Variants in FN1 observed in about 807,000 individuals in gnomAD.
FN1 encodes fibronectin 1.
In FN1, 106 loss-of-function variants were observed where a neutral mutation model predicts 297.3. The ratio of observed to expected loss-of-function variants is 0.36; its 90% CI spans 0.30 to 0.42. FN1 has a LOEUF of 0.42. Among genes scored for constraint, FN1 ranks in the 10% least tolerant of loss-of-function variants. FN1 has a pLI of 1.00. For missense variants in FN1, 2,690 were observed against 3,124.9 expected (o/e 0.86, Z 3.32); for synonymous variants, 1,149 against 1,152.6 (o/e 1.00, Z 0.06).
Position 215,364,897 on chromosome 2 carries a change from T to G in FN1, c.7233A>C (p.Thr2411=). Reference sequence around the variant, plus strand: ...GTCTTACCCGCTGGCCTCCAAAGCATGTGCAGGAGCAAATGGCACCGAGAT... The same window carrying G: ...GTCTTACCCGCTGGCCTCCAAAGCAGGTGCAGGAGCAAATGGCACCGAGAT... ...KEYLGAICSC[T]CFGGQRGWRC... Residue 2411 remains threonine (T), a synonymous_variant, in exon 44 of 46, where the codon ACA becomes ACC. Coordinates refer to ENST00000354785, the MANE Select transcript of FN1 (RefSeq NM_212482.4). 1 of 1,563,252 alleles carries G rather than the reference T, an allele frequency of 6.4e-7. No homozygotes were observed. The highest frequency in any genetic ancestry group is 8.7e-7 in the Non-Finnish European group (1 of 1,152,872).
chr2:215,409,842 A>G (rs2106300939), intron 14 of FN1, 92 bp downstream of exon 14: 3 of 1,595,454 alleles, frequency 1.9e-6, no homozygotes, highest in Non-Finnish European at 2.6e-6. Context: ...CCCTCCTGGA[A>G]GAATATGAAT....
intron 31 of FN1, 25 bp from the exon 32 acceptor site, chr2:215,382,350 G>T: frequency 1.4e-6 from 2 of 1,454,652 alleles, no homozygotes; most frequent in Non-Finnish European, 1.9e-6. Context: ...AAAAGCAAAT[G>T]CAACATCCAC....
Position 215,420,716 on chromosome 2 carries a change from T to C in FN1, c.1632A>G (p.Thr544=). 5.0e-6 allele frequency: 8 copies of C among 1,614,180 alleles called. No homozygotes were observed. The highest frequency in any genetic ancestry group is 6.8e-6 in the Non-Finnish European group (8 of 1,180,008). ...ACCTGCCCCGACCCTGACCGAAGCA[T>C]GTACAGTTCAGCATGTGCCCCTCTT... The part of the protein sequence containing the change: ...RHEEGHMLNC[T]CFGQGRGRWK... The change falls in exon 11 of 46, where the codon ACA becomes ACG. Residue 544 remains threonine (T), a synonymous_variant. Coordinates refer to ENST00000354785, the MANE Select transcript of FN1 (RefSeq NM_212482.4).
At chr2:215,406,573 G>A (rs537894296) in intron 18 of FN1, 63 bp from the exon 19 acceptor site, 24 of 1,554,898 alleles carry the variant, frequency 1.5e-5, no homozygotes, top group Non-Finnish European at 2.0e-5. Flanking sequence ...TAAGAAGCCA[G>A]TTTCTTGGAT....
chr2:215,411,949 G>A (rs1232754111), intron 13 of FN1, among the ~76,000 whole-genome samples: 1 of 152,092 alleles, frequency 6.6e-6, no homozygotes, highest in Non-Finnish European at 1.5e-5. Flanking sequence ...TTACAGGCGT[G>A]AGCCACTGCG....
chr2:215,433,465 AG>A lies in FN1; in HGVS notation c.278-5del, dbSNP rs1197237853. 6.2e-7 allele frequency: 1 copy of A among 1,613,552 alleles called. No individual in the cohort carries two copies. The highest frequency in any genetic ancestry group is 2.2e-5 in the East Asian group (1 of 44,870). ...TTGTCAAAGCAAGTCTCTTCAGCTG[AG>A]GGGAAAAGGAAAGTCCATGTGAGCC... is the stretch of plus-strand genomic sequence containing the variant. On this transcript the variant is annotated splice_polypyrimidine_tract_variant and splice_region_variant and intron_variant, in intron 2 of 45. Coordinates refer to ENST00000354785, the MANE Select transcript of FN1 (RefSeq NM_212482.4).
In FN1 at chr2:215,384,116, T is replaced by G. The variant is rs761410597; in HGVS notation, c.4798A>C (p.Lys1600Gln). The G allele has an allele frequency of 6.2e-7, 1 of 1,614,148 alleles. No homozygotes were observed. Among genetic ancestry groups the G allele is most frequent in the South Asian group, 1.1e-5 (1 of 91,078 alleles). ...GTGATGGTATAATCAACTCCAGGTT[T>G]AAGGCCGCTGATGGTAGCTGTAGAC... ...SKSTATISGL[K>Q]PGVDYTITVY... Residue 1600 changes from lysine to glutamine, a missense_variant, in exon 30 of 46, where the codon AAA becomes CAA. Physicochemically the swap from Lys to Gln is moderately conservative, Grantham distance 53. This residue lies in a region of FN1 where 1,743 missense variants were observed against 1,945.2 expected (regional missense o/e 0.90). Coordinates refer to ENST00000354785, the MANE Select transcript of FN1 (RefSeq NM_212482.4).
rs6725958 is a variant in FN1 at position 215,397,898 on chromosome 2, A to C, written c.3349-50T>G. 887,351 of 1,521,204 alleles carry C rather than the reference A, an allele frequency of 0.58. 262,996 individuals are homozygous for C. Among genetic ancestry groups the C allele is most frequent in the East Asian group, 0.94 (41,957 of 44,420 alleles). The allele number at this position is 1,521,204 out of a possible 1,614,324, so 94.2% of individuals were successfully genotyped here. A position where few individuals can be genotyped will look rare whatever the true frequency, so the allele number is the denominator to read the frequency against. Reference sequence around the variant, plus strand: ...CACCAAGGACAAATATTTCCAGAGGACTGTTACTGCTGTGAGGCTATGATT... The same window carrying C: ...CACCAAGGACAAATATTTCCAGAGGCCTGTTACTGCTGTGAGGCTATGATT... On this transcript the variant is annotated intron_variant, in intron 21 of 45. Coordinates refer to ENST00000354785, the MANE Select transcript of FN1 (RefSeq NM_212482.4).
intron 26 of FN1, 78 bp downstream of exon 26, chr2:215,391,551 GCTC>G: frequency 8.0e-7 from 1 of 1,249,640 alleles, no homozygotes; most frequent in East Asian, 2.3e-5. Flanking sequence ...CTTGCTCTTA[GCTC>G]CTCCTACTTG....
intron 1 of FN1, 32 bp from the exon 2 acceptor site, chr2:215,434,856 G>A (rs1450984065): frequency 6.2e-7 from 1 of 1,601,160 alleles, no homozygotes; most frequent in Non-Finnish European, 8.5e-7. Flanking sequence ...CGTTACATTT[G>A]CATTTCTCCT....
chr2:215,430,683 C>T, intron 5 of FN1, 32 bp downstream of exon 5: 1 of 1,611,590 alleles, frequency 6.2e-7, no homozygotes, highest in Non-Finnish European at 8.5e-7. Context: ...CAATACCTGG[C>T]TTAATCTTTA....
chr2:215,433,832 T>G (rs1384780400), intron 2 of FN1, among the ~76,000 whole-genome samples: 1 of 152,262 alleles, frequency 6.6e-6, no homozygotes, highest in East Asian at 1.9e-4. Context: ...CCGGGCACAG[T>G]GGCTCACGCC....
intron 6 of FN1, among the ~76,000 whole-genome samples, chr2:215,425,647 G>A (rs745800560): frequency 1.1e-4 from 16 of 152,078 alleles, no homozygotes; most frequent in Non-Finnish European, 2.1e-4. Context: ...CTGCCTCCTG[G>A]GTTCAAGCTA....
chr2:215,409,884 A>G (rs1200031787), intron 14 of FN1, 50 bp downstream of exon 14: 8 of 1,606,424 alleles, frequency 5.0e-6, no homozygotes, highest in Non-Finnish European at 6.8e-6. Flanking sequence ...AGGAGAGCCT[A>G]GCTCTAGGAA....
At chr2:215,384,294 T>C in intron 29 of FN1, 110 bp from the exon 30 acceptor site, 1 of 1,088,408 alleles carries the variant, frequency 9.2e-7, no homozygotes, top group South Asian at 1.3e-5. Flanking sequence ...ATCTTCTTGC[T>C]TATTCCCTTT....
intron 15 of FN1, 54 bp downstream of exon 15, chr2:215,409,509 G>C (rs2062266591): frequency 6.4e-7 from 1 of 1,570,420 alleles, no homozygotes; most frequent in Non-Finnish European, 8.8e-7. Context: ...CCCCCACAAG[G>C]AGAGTTTTCC....
At chr2:215,368,505 A>G (rs1290313636) in intron 41 of FN1, among the ~76,000 whole-genome samples, 4 of 152,264 alleles carry the variant, frequency 2.6e-5, no homozygotes, top group Non-Finnish European at 5.9e-5. Context: ...ATATAAGGCC[A>G]TGAATTCAAA....
At chr2:215,365,055 G>A (rs2106140361) in intron 43 of FN1, 70 bp from the exon 44 acceptor site, 2 of 1,004,318 alleles carry the variant, frequency 2.0e-6, no homozygotes, top group Non-Finnish European at 3.0e-6. Flanking sequence ...CTAGGGGTGG[G>A]TTCTATTTCT....
intron 38 of FN1, 29 bp downstream of exon 38, chr2:215,375,185 G>A: frequency 1.9e-6 from 3 of 1,611,124 alleles, no homozygotes; most frequent in Non-Finnish European, 1.7e-6. Context: ...GTAGTAAGAA[G>A]GAAAATGACA....
Sources: gnomAD v4.1 joint callset for allele counts (sites outside exome capture counted in the v4.1 genomes callset) on GRCh38, gnomAD v4.1.1 for gene constraint, gnomAD v4.1.1 regional missense constraint, MANE v1.5 for transcripts, NCBI Gene and HGNC (gene_info 2026-07-23, HGNC 2026-07-21) for gene names.